PRR5L: variants seen among roughly 807,000 people sequenced by gnomAD.
PRR5L encodes the protein proline rich 5 like.
Under a neutral mutation model 36.4 loss-of-function variants are expected in PRR5L, and 21 were observed. That is an observed-to-expected ratio of 0.58 (90% CI 0.41 to 0.83). The LOEUF is 0.83. PRR5L is among the 40% of genes least tolerant of loss of function. The pLI is 0.00. For synonymous variants in PRR5L, 188 were observed against 197.0 expected (o/e 0.95, Z 0.38); for missense variants, 381 against 473.3 (o/e 0.80, Z 1.81).
chr11:36,457,250 C>T (rs1304822183), intron 8 of PRR5L, among the ~76,000 whole-genome samples: 2 of 152,212 alleles, frequency 1.3e-5, no homozygotes, highest in Non-Finnish European at 2.9e-5. Context: ...TAAAATCTAA[C>T]ATTAATACTG....
At chr11:36,383,591 TCC>T (rs1324550756) in intron 1 of PRR5L, among the ~76,000 whole-genome samples, 1 of 152,170 alleles carries the variant, frequency 6.6e-6, no homozygotes, top group Non-Finnish European at 1.5e-5. Flanking sequence ...TTTGCCACAT[TCC>T]CCACCTGACC....
chr11:36,337,774 G>A (rs1856782946), intron 1 of PRR5L, among the ~76,000 whole-genome samples: 4 of 152,328 alleles, frequency 2.6e-5, no homozygotes, highest in East Asian at 1.9e-4. Flanking sequence ...GCTCCAGGAC[G>A]AAAGTGTGAA....
At chr11:36,432,255 A>G (rs980632539) in intron 5 of PRR5L, among the ~76,000 whole-genome samples, 43 of 151,978 alleles carry the variant, frequency 2.8e-4, no homozygotes, top group African/African-American at 1.0e-3. Flanking sequence ...TGAATCCTCC[A>G]TGCTATTTCC....
At chr11:36,322,837 GT>G (rs1232086790) in intron 1 of PRR5L, among the ~76,000 whole-genome samples, 1 of 152,140 alleles carries the variant, frequency 6.6e-6, no homozygotes, top group African/African-American at 2.4e-5. Flanking sequence ...TATGACTGGA[GT>G]CCTTATAAAA....
chr11:36,400,232 G>A (rs539342595), intron 1 of PRR5L, among the ~76,000 whole-genome samples: 4 of 152,328 alleles, frequency 2.6e-5, no homozygotes, highest in East Asian at 1.9e-4. Context: ...TGCTGGTTGC[G>A]AGCTCCACGG....
At chr11:36,376,455 C>G in intron 1 of PRR5L, 1 of 1,129,344 alleles carries the variant, frequency 8.9e-7, no homozygotes, top group Non-Finnish European at 1.1e-6. Flanking sequence ...TTTGTTGACT[C>G]GCGCTGGAGA....
At chr11:36,409,227 C>A (rs1354792013) in intron 3 of PRR5L, among the ~76,000 whole-genome samples, 4 of 152,286 alleles carry the variant, frequency 2.6e-5, no homozygotes, top group Admixed American at 6.5e-5. Flanking sequence ...TCACTCCATG[C>A]CCTCCTGCCT....
intron 3 of PRR5L, among the ~76,000 whole-genome samples, chr11:36,409,052 C>A (rs925925354): frequency 1.3e-5 from 2 of 152,106 alleles, no homozygotes; most frequent in Admixed American, 6.5e-5. Context: ...GCAGGTAGTT[C>A]TCAGGCAACG....
chr11:36,346,154 T>A (rs1343909937), intron 1 of PRR5L, among the ~76,000 whole-genome samples: 2 of 152,220 alleles, frequency 1.3e-5, no homozygotes, highest in Non-Finnish European at 2.9e-5. Context: ...TTAATATTTT[T>A]GTAGAGATGG....
Position 36,462,634 on chromosome 11 carries a change from G to C in PRR5L, c.1005G>C (p.Gln335His). 7 of 1,612,344 alleles carry C rather than the reference G, an allele frequency of 4.3e-6. No homozygotes were observed. The highest frequency in any genetic ancestry group is 5.9e-6 in the Non-Finnish European group (7 of 1,179,908). The change falls in exon 9 of 9, where the codon CAG (glutamine) becomes CAC (histidine). Residue 335 changes from glutamine to histidine, a missense_variant. By Grantham distance (24) the Gln-to-His change is conservative. Coordinates refer to ENST00000530639, the MANE Select transcript of PRR5L (RefSeq NM_001160167.2). Reference sequence around the variant, plus strand: ...CCAGCTTCCCCCCGCCCCACCGGCAGTGCTCCAGTGAGCCCAACATCACTG... The same window carrying C: ...CCAGCTTCCCCCCGCCCCACCGGCACTGCTCCAGTGAGCCCAACATCACTG... Reference protein sequence around the residue: ...LPPSFPPPHRQCSSEPNITDN... With the variant: ...LPPSFPPPHRHCSSEPNITDN...
At chr11:36,376,471 CG>C in intron 1 of PRR5L, 1 of 1,099,168 alleles carries the variant, frequency 9.1e-7, no homozygotes, top group African/African-American at 1.7e-5. Flanking sequence ...GGAGAGGAAC[CG>C]AGGCTGGACG....
At chr11:36,307,796 A>G (rs1215543601) in intron 1 of PRR5L, among the ~76,000 whole-genome samples, 1 of 152,324 alleles carries the variant, frequency 6.6e-6, no homozygotes, top group East Asian at 1.9e-4. Flanking sequence ...AAGAACATGT[A>G]ATAATTGTGT....
chr11:36,339,943 G>C (rs1856802733), intron 1 of PRR5L, among the ~76,000 whole-genome samples: 1 of 152,148 alleles, frequency 6.6e-6, no homozygotes, highest in South Asian at 2.1e-4. Flanking sequence ...CCCTCTTTCT[G>C]TGTTTTGCCT....
intron 4 of PRR5L, among the ~76,000 whole-genome samples, chr11:36,426,344 T>C (rs115634786): frequency 0.013 from 1,930 of 151,968 alleles, 45 homozygotes; most frequent in African/African-American, 0.044. Flanking sequence ...ACACTTACTT[T>C]GTTAGAACAC....
intron 1 of PRR5L, among the ~76,000 whole-genome samples, chr11:36,331,955 T>C (rs901300312): frequency 3.3e-5 from 5 of 152,182 alleles, no homozygotes; most frequent in African/African-American, 1.2e-4. Flanking sequence ...TGTTTGACGT[T>C]GGATAGGTTA....
intron 7 of PRR5L, among the ~76,000 whole-genome samples, chr11:36,448,263 C>T (rs1035139948): frequency 1.1e-4 from 16 of 152,116 alleles, no homozygotes; most frequent in Admixed American, 2.0e-4. Flanking sequence ...TACCCTCATG[C>T]GCTCTGGTCC....
At chr11:36,419,418 C>G in intron 4 of PRR5L, 115 bp downstream of exon 4, 1 of 897,740 alleles carries the variant, frequency 1.1e-6, no homozygotes, top group Non-Finnish European at 1.9e-6. Flanking sequence ...AATTACGTAT[C>G]TCAAGTCCCT....
intron 1 of PRR5L, among the ~76,000 whole-genome samples, chr11:36,357,774 G>T (rs891165401): frequency 8.5e-5 from 13 of 152,170 alleles, no homozygotes; most frequent in African/African-American, 2.9e-4. Flanking sequence ...CCCAGAAGTT[G>T]TGATAAAGAT....
chr11:36,383,408 G>A (rs10836544), intron 1 of PRR5L, among the ~76,000 whole-genome samples: 9 of 152,252 alleles, frequency 5.9e-5, no homozygotes, highest in East Asian at 1.9e-4. Flanking sequence ...CTGGCAGCCC[G>A]TGGGCCAAAC....
Sources: allele counts gnomAD v4.1 joint callset (sites outside exome capture counted in the v4.1 genomes callset), GRCh38; gene constraint gnomAD v4.1.1; transcripts MANE v1.5; gene names NCBI Gene and HGNC (gene_info 2026-07-23, HGNC 2026-07-21).